FMN2: variants seen among roughly 807,000 people sequenced by gnomAD.
FMN2 encodes formin 2, also known as formin-2.
In FMN2, 51 loss-of-function variants were observed where a neutral mutation model predicts 142.3. That is an observed-to-expected ratio of 0.36 (90% confidence interval 0.29 to 0.45). FMN2 has a LOEUF of 0.45. FMN2 is among the 20% of genes least tolerant of loss of function. The probability of loss-of-function intolerance (pLI) is 1.00; values close to 1 mark genes in which losing one functional copy is unlikely to be tolerated. For missense variants in FMN2, 1,936 were observed against 2,122.8 expected (o/e 0.91, Z 1.73); for synonymous variants, 882 against 869.8 (o/e 1.01, Z -0.25).
intron 14 of FMN2, among the ~76,000 whole-genome samples, chr1:240,386,871 A>G (rs1339911651): frequency 2.0e-5 from 3 of 152,234 alleles, no homozygotes; most frequent in Non-Finnish European, 4.4e-5. Flanking sequence ...TCTAGAATAA[A>G]TAGATGGAAA....
chr1:240,248,602 TGGG>T (rs1668167187), intron 6 of FMN2, among the ~76,000 whole-genome samples: 8 of 152,002 alleles, frequency 5.3e-5, no homozygotes, highest in Non-Finnish European at 1.0e-4. Context: ...ATTTTCCCTT[TGGG>T]TACATACCCA....
At chr1:240,456,603 T>A (rs1354682120) in intron 16 of FMN2, among the ~76,000 whole-genome samples, 3 of 152,172 alleles carry the variant, frequency 2.0e-5, no homozygotes, top group Non-Finnish European at 2.9e-5. Context: ...ATTACAGGCA[T>A]GCGCCACCAT....
chr1:240,212,410 T>C (rs1027761925), intron 6 of FMN2, among the ~76,000 whole-genome samples: 1 of 152,190 alleles, frequency 6.6e-6, no homozygotes, highest in Non-Finnish European at 1.5e-5. Context: ...TTGAATTCTT[T>C]TAGAAATGCT....
intron 15 of FMN2, among the ~76,000 whole-genome samples, chr1:240,423,269 G>A (rs1249238001): frequency 6.6e-6 from 1 of 152,174 alleles, no homozygotes; most frequent in Admixed American, 6.5e-5. Flanking sequence ...GGGGAAGGAG[G>A]TGGAAATGAA....
intron 16 of FMN2, among the ~76,000 whole-genome samples, chr1:240,446,841 C>A (rs2103198830): frequency 6.6e-6 from 1 of 152,306 alleles, no homozygotes; most frequent in African/African-American, 2.4e-5. Flanking sequence ...CTAACTCTCA[C>A]ACCTTTGGGC....
At chr1:240,302,771 C>T (rs1197751765) in intron 8 of FMN2, among the ~76,000 whole-genome samples, 1 of 152,044 alleles carries the variant, frequency 6.6e-6, no homozygotes, top group Non-Finnish European at 1.5e-5. Flanking sequence ...TGGGTCTAGT[C>T]AGATTTGCCT....
At chr1:240,265,556 G>C (rs145991948) in intron 7 of FMN2, among the ~76,000 whole-genome samples, 1 of 152,078 alleles carries the variant, frequency 6.6e-6, no homozygotes, top group Admixed American at 6.6e-5. Flanking sequence ...GAGTCAGCTG[G>C]CACCTTGATC....
chr1:240,264,300 A>G (rs1668722708), intron 7 of FMN2, among the ~76,000 whole-genome samples: 1 of 152,176 alleles, frequency 6.6e-6, no homozygotes, highest in South Asian at 2.1e-4. Context: ...TTGGGAAGAA[A>G]TTGTCCTAAT....
chr1:240,351,582 C>T (rs1053556273), intron 13 of FMN2, among the ~76,000 whole-genome samples: 1 of 152,154 alleles, frequency 6.6e-6, no homozygotes, highest in Non-Finnish European at 1.5e-5. Context: ...GGCCCAAGGA[C>T]ATCGATAAAA....
intron 7 of FMN2, among the ~76,000 whole-genome samples, chr1:240,261,206 T>C (rs1433327031): frequency 6.6e-6 from 1 of 152,174 alleles, no homozygotes; most frequent in Non-Finnish European, 1.5e-5. Context: ...GATCTGTTCT[T>C]TTTGCTTAGT....
chr1:240,186,349 A>G (rs1433965689), intron 3 of FMN2, among the ~76,000 whole-genome samples: 1 of 152,302 alleles, frequency 6.6e-6, no homozygotes, highest in Non-Finnish European at 1.5e-5. Context: ...TTAAGCACCT[A>G]CTAAGTACCA....
intron 2 of FMN2, among the ~76,000 whole-genome samples, chr1:240,173,706 T>G (rs544565726): frequency 6.6e-6 from 1 of 152,278 alleles, no homozygotes; most frequent in Admixed American, 6.5e-5. Context: ...AAATCTGTTT[T>G]GCTTATTTTC....
chr1:240,385,617 G>A lies in FMN2; in HGVS notation c.4859-6894G>A, dbSNP rs193058402. On this transcript the variant is annotated intron_variant, in intron 14 of 17. Transcript: ENST00000319653. Reference sequence around the variant, plus strand: ...TACTGTCTACTGTACTGTCTAGCTCGTGGATGCGTATTATGTTTTCCCATG... The same window carrying A: ...TACTGTCTACTGTACTGTCTAGCTCATGGATGCGTATTATGTTTTCCCATG... Among the ~76,000 whole-genome samples the A allele has an allele frequency of 2.2e-3, 329 of 152,202 alleles. 2 individuals carry two copies. Among genetic ancestry groups the A allele is most frequent in the Non-Finnish European group, 3.4e-3 (229 of 67,998 alleles).
chr1:240,444,121 A>T (rs1043116764), intron 16 of FMN2, among the ~76,000 whole-genome samples: 1 of 152,194 alleles, frequency 6.6e-6, no homozygotes. Context: ...AGTTTTCAGG[A>T]TGAGTGTTCA....
At chr1:240,126,676 T>C (rs1662522382) in intron 2 of FMN2, among the ~76,000 whole-genome samples, 1 of 152,210 alleles carries the variant, frequency 6.6e-6, no homozygotes, top group Admixed American at 6.5e-5. Flanking sequence ...CAAAGATGGC[T>C]TTGAGGGATG....
intron 3 of FMN2, among the ~76,000 whole-genome samples, chr1:240,187,377 G>A (rs1281900026): frequency 6.6e-6 from 1 of 151,648 alleles, no homozygotes; most frequent in Non-Finnish European, 1.5e-5. Context: ...GGTGCAACGC[G>A]ACAGTCAGGA....
At chr1:240,187,616 C>T (rs1032991537) in intron 3 of FMN2, among the ~76,000 whole-genome samples, 2 of 152,086 alleles carry the variant, frequency 1.3e-5, no homozygotes, top group Non-Finnish European at 2.9e-5. Flanking sequence ...CTCTCGCTTA[C>T]GAAAAGAAAT....
chr1:240,381,803 G>A (rs187425561), intron 14 of FMN2, among the ~76,000 whole-genome samples: 1 of 152,232 alleles, frequency 6.6e-6, no homozygotes, highest in African/African-American at 2.4e-5. Context: ...CCTCAACAAA[G>A]TAGACATTGA....
chr1:240,322,032 C>T (rs1196838497), intron 8 of FMN2, among the ~76,000 whole-genome samples: 1 of 152,142 alleles, frequency 6.6e-6, no homozygotes, highest in East Asian at 1.9e-4. Flanking sequence ...CCTAGCTTAT[C>T]TATCAAATAT....
Sources: allele counts gnomAD v4.1 joint callset (sites outside exome capture counted in the v4.1 genomes callset), GRCh38; gene constraint gnomAD v4.1.1; transcripts MANE v1.5; gene names NCBI Gene and HGNC (gene_info 2026-07-23, HGNC 2026-07-21).